PRKACB: variants seen among roughly 807,000 people sequenced by gnomAD.
PRKACB encodes the protein protein kinase cAMP-activated catalytic subunit beta.
Under a neutral mutation model 51.4 loss-of-function variants are expected in PRKACB, and 16 were observed. The observed-to-expected ratio is 0.31, with a 90% CI of 0.21 to 0.47. PRKACB has a LOEUF of 0.47. PRKACB is among the 20% of genes least tolerant of loss of function. The pLI is 1.00. For missense variants in PRKACB, 309 were observed against 464.5 expected (o/e 0.67, Z 3.08); for synonymous variants, 147 against 154.4 (o/e 0.95, Z 0.35).
intron 1 of PRKACB, chr1:84,086,052 AGC>A: frequency 1.0e-6 from 1 of 977,568 alleles, no homozygotes. Context: ...GTGGTCAAGC[AGC>A]ATAGGAAAGT....
chr1:84,232,539 G>A (rs1675886994), intron 9 of PRKACB, among the ~76,000 whole-genome samples: 1 of 152,092 alleles, frequency 6.6e-6, no homozygotes, highest in South Asian at 2.1e-4. Flanking sequence ...ATTAATGTGT[G>A]GGAGTCTAAG....
Position 84,210,094 on chromosome 1 carries a change from T to TA in PRKACB, c.907-4058dup. 2.0e-5 allele frequency among the ~76,000 whole-genome samples: 3 copies of TA among 152,306 alleles called. No homozygotes were observed. The Middle Eastern group carries it at 0.01, about 522-fold the overall frequency. On this transcript the variant is annotated intron_variant, in intron 8 of 9. Transcript: ENST00000370685. ...CTGTGGATTCAAAACTTTTTTTAAG[T>TA]ATCACAAGTGATTCTGATAAACACC...
chr1:84,090,124 C>T (rs1174796448), intron 1 of PRKACB, among the ~76,000 whole-genome samples: 1 of 152,256 alleles, frequency 6.6e-6, no homozygotes, highest in South Asian at 2.1e-4. Flanking sequence ...TACAGTTTTA[C>T]CACATTTCTC....
chr1:84,152,210 C>T (rs1654933525), intron 1 of PRKACB, among the ~76,000 whole-genome samples: 1 of 152,106 alleles, frequency 6.6e-6, no homozygotes, highest in Admixed American at 6.6e-5. Flanking sequence ...CAATGGTGGG[C>T]TTAAAATAGT....
chr1:84,189,235 T>C (rs1392525493), intron 5 of PRKACB, among the ~76,000 whole-genome samples: 1 of 151,816 alleles, frequency 6.6e-6, no homozygotes, highest in Non-Finnish European at 1.5e-5. Flanking sequence ...TTATTGAGTG[T>C]ACACTGTGTT....
chr1:84,214,860 A>C (rs1161287636), intron 9 of PRKACB, among the ~76,000 whole-genome samples: 1 of 152,174 alleles, frequency 6.6e-6, no homozygotes, highest in Non-Finnish European at 1.5e-5. Context: ...TTCCTTTGTT[A>C]AATTTTTCCT....
chr1:84,206,449 T>C (rs1671358229), intron 8 of PRKACB, among the ~76,000 whole-genome samples: 1 of 152,124 alleles, frequency 6.6e-6, no homozygotes, highest in African/African-American at 2.4e-5. Context: ...TACTTGAGGC[T>C]AAGATTTATT....
At chr1:84,080,450 T>A (rs192939534) in intron 1 of PRKACB, among the ~76,000 whole-genome samples, 24 of 152,310 alleles carry the variant, frequency 1.6e-4, no homozygotes, top group African/African-American at 5.5e-4. Flanking sequence ...GTAACTTTAT[T>A]TATGGAAACT....
chr1:84,202,801 G>C lies in PRKACB; in HGVS notation c.902G>C (p.Gly301Ala). 1 of 1,602,238 alleles carries C rather than the reference G, an allele frequency of 6.2e-7. No homozygotes were observed. Among genetic ancestry groups the C allele is most frequent in the Non-Finnish European group, 8.5e-7 (1 of 1,171,438 alleles). ...PIQIYEKIVS[G>A]KVRFPSHFSS... ...CAGATTTATGAAAAGATTGTTTCTGGAAAGGTAAGTAAAACATTTTATTAT... is the reference window on the plus strand; with the variant it reads ...CAGATTTATGAAAAGATTGTTTCTGCAAAGGTAAGTAAAACATTTTATTAT... Residue 301 changes from glycine to alanine, a missense_variant, in exon 8 of 10, where the codon GGA becomes GCA. By Grantham distance (60) the Gly-to-Ala change is moderately conservative. This residue lies in a region of PRKACB where 96 missense variants were observed against 129.9 expected (regional missense o/e 0.74). Coordinates refer to ENST00000370685, the MANE Select transcript of PRKACB (RefSeq NM_182948.4).
chr1:84,219,254 C>T (rs1427169564), intron 9 of PRKACB, among the ~76,000 whole-genome samples: 4 of 139,190 alleles, frequency 2.9e-5, no homozygotes, highest in South Asian at 2.2e-4. Context: ...GTTGGAGTTT[C>T]GCTCTTGTTG....
rs924371001 is a variant in PRKACB at position 84,173,270 on chromosome 1, T to G, written c.188-5907T>G. ...TAGTGAACATGTATAGATGGGTAACTTCTTGTAGGTATGTTATTTTATGTG... is the reference window on the plus strand; with the variant it reads ...TAGTGAACATGTATAGATGGGTAACGTCTTGTAGGTATGTTATTTTATGTG... On this transcript the variant is annotated intron_variant, in intron 1 of 9. Transcript: ENST00000370685. 1.1e-5 allele frequency: 16 copies of G among 1,395,632 alleles called. No individual in the cohort carries two copies. The African/African-American group carries it at 1.6e-4, about 14-fold the overall frequency. The allele number at this position is 1,395,632 out of a possible 1,614,324, so 86.5% of individuals were successfully genotyped here.
At chr1:84,103,851 CATA>C (rs1380025047) in intron 1 of PRKACB, among the ~76,000 whole-genome samples, 4 of 152,142 alleles carry the variant, frequency 2.6e-5, no homozygotes, top group African/African-American at 9.7e-5. Flanking sequence ...TTAGTTGACA[CATA>C]ATAATTGTAC....
chr1:84,235,114 G>C, intron 9 of PRKACB, 66 bp from the exon 10 acceptor site: 1 of 1,494,208 alleles, frequency 6.7e-7, no homozygotes, highest in Non-Finnish European at 9.1e-7. Context: ...TATTTTTCTT[G>C]GTGTTTGGAA....
At chr1:84,193,165 G>T (rs1022154933) in intron 5 of PRKACB, among the ~76,000 whole-genome samples, 2 of 152,088 alleles carry the variant, frequency 1.3e-5, no homozygotes, top group African/African-American at 4.8e-5. Context: ...GAAAGAGAAA[G>T]ACCCCTTCCC....
At chr1:84,202,529 T>C (rs1670424678) in intron 7 of PRKACB, among the ~76,000 whole-genome samples, 154 bp from the exon 8 acceptor site, 1 of 152,090 alleles carries the variant, frequency 6.6e-6, no homozygotes, top group Non-Finnish European at 1.5e-5. Context: ...ACCTGATACA[T>C]TTGGTTCATT....
At chr1:84,167,597 G>C (rs185214415) in intron 1 of PRKACB, among the ~76,000 whole-genome samples, 1 of 151,548 alleles carries the variant, frequency 6.6e-6, no homozygotes, top group African/African-American at 2.4e-5. Context: ...TCTAAATGTT[G>C]AACTCAAGTC....
intron 8 of PRKACB, among the ~76,000 whole-genome samples, chr1:84,211,820 TAG>T (rs1403920453): frequency 6.6e-6 from 1 of 152,162 alleles, no homozygotes; most frequent in African/African-American, 2.4e-5. Flanking sequence ...AGAAAGTGTT[TAG>T]CATAATGCCT....
At chr1:84,078,252 C>G in exon 1 of PRKACB, 1 of 1,536,484 alleles carries the variant, frequency 6.5e-7, no homozygotes, top group Non-Finnish European at 8.9e-7. Context: ...GGGAGTTGTC[C>G]CAGACTGTGG....
chr1:84,101,733 G>C (rs1361487005), intron 1 of PRKACB, among the ~76,000 whole-genome samples: 1 of 152,146 alleles, frequency 6.6e-6, no homozygotes, highest in Non-Finnish European at 1.5e-5. Flanking sequence ...TACTGTATTT[G>C]AGCATAAAAT....
Sources: allele counts gnomAD v4.1 joint callset (sites outside exome capture counted in the v4.1 genomes callset), GRCh38; gene constraint gnomAD v4.1.1; regional missense constraint gnomAD v4.1.1; transcripts MANE v1.5; gene names NCBI Gene and HGNC (gene_info 2026-07-23, HGNC 2026-07-21).